The following LZTS1 variants were observed in gnomAD, a reference collection of about 807,000 sequenced individuals.
LZTS1 encodes the protein leucine zipper tumor suppressor 1.
A neutral mutation model predicts 45.8 loss-of-function variants in LZTS1; 31 were observed. The observed-to-expected ratio is 0.68, with a 90% CI of 0.51 to 0.91. The LOEUF is 0.91. Ranked by LOEUF, LZTS1 falls within the 40% of genes least tolerant of loss-of-function variation. The pLI is 0.00. For synonymous variants in LZTS1, 359 were observed against 357.3 expected, an observed-to-expected ratio of 1.00 and a Z score of -0.05; for missense variants, 821 against 788.9, an observed-to-expected ratio of 1.04 and a Z score of -0.49.
At chr8:20,294,999 G>A (rs12115039) in intron 1 of LZTS1, among the ~76,000 whole-genome samples, 1 of 151,894 alleles carries the variant, frequency 6.6e-6, no homozygotes, top group East Asian at 2.0e-4. Context: ...GGGAGGCAAG[G>A]AGCCTGGGTT....
chr8:20,286,281 G>C (rs914017217), intron 1 of LZTS1, among the ~76,000 whole-genome samples: 1 of 152,104 alleles, frequency 6.6e-6, no homozygotes, highest in South Asian at 2.1e-4. Context: ...AACAATTCTC[G>C]TAAATCTCTA....
intron 1 of LZTS1, among the ~76,000 whole-genome samples, chr8:20,292,701 A>G (rs908824780): frequency 6.6e-6 from 1 of 152,134 alleles, no homozygotes; most frequent in Non-Finnish European, 1.5e-5. Context: ...GTGTTCTTGT[A>G]TGCCCCCTGG....
intron 2 of LZTS1, among the ~76,000 whole-genome samples, chr8:20,253,878 C>T (rs1439871801): frequency 6.6e-6 from 1 of 152,172 alleles, no homozygotes; most frequent in Non-Finnish European, 1.5e-5. Flanking sequence ...TCTTGAGGCT[C>T]CTGCTCTAGG....
intron 1 of LZTS1, among the ~76,000 whole-genome samples, chr8:20,272,102 A>G (rs1322968067): frequency 6.6e-6 from 1 of 152,242 alleles, no homozygotes; most frequent in African/African-American, 2.4e-5. Context: ...GCAGAACAGA[A>G]TCTGCCTTAA....
intron 1 of LZTS1, among the ~76,000 whole-genome samples, chr8:20,281,856 A>G (rs904353586): frequency 6.6e-6 from 1 of 152,218 alleles, no homozygotes; most frequent in Admixed American, 6.5e-5. Flanking sequence ...AGTCTCAGGT[A>G]TTCCTTTATA....
intron 1 of LZTS1, among the ~76,000 whole-genome samples, chr8:20,269,362 CAG>C (rs1443278163): frequency 6.6e-5 from 10 of 152,196 alleles, no homozygotes. Flanking sequence ...CCTGGAGAGA[CAG>C]AGACTGCAAC....
chr8:20,303,068 G>T (rs796165271), intron 1 of LZTS1, among the ~76,000 whole-genome samples: 1 of 152,106 alleles, frequency 6.6e-6, no homozygotes, highest in African/African-American at 2.4e-5. Context: ...GTAGTGTGGG[G>T]CTGTCTGTGT....
chr8:20,247,886 G>GGC lies in LZTS1; in HGVS notation c.*1834_*1835dup, dbSNP rs1183533083. ...CCCCTCCTCATCTCAGCAGGCAGCA[G>GGC]GCGCAGGCATGTGGGAAGGGATGCT... is the stretch of plus-strand genomic sequence containing the variant. On this transcript the variant is annotated 3_prime_UTR_variant, in exon 4 of 4. Transcript: ENST00000381569. 6.5e-6 allele frequency: 1 copy of GGC among 152,836 alleles called. No homozygotes were observed. The highest frequency in any genetic ancestry group is 1.5e-5 in the Non-Finnish European group (1 of 68,198). The allele number at this position is 152,836 out of a possible 1,614,324, so 9.5% of individuals were successfully genotyped here.
At chr8:20,290,664 C>T (rs1325607721) in intron 1 of LZTS1, among the ~76,000 whole-genome samples, 2 of 152,206 alleles carry the variant, frequency 1.3e-5, no homozygotes, top group Admixed American at 6.5e-5. Context: ...GAGACTCAGC[C>T]GGATGTATGT....
At position 20,251,122 on chromosome 8, in the gene LZTS1, TATATATATATATATATATATATATATAA is replaced by T. The variant is rs1479298785; in HGVS notation, c.1150-787_1150-760del. On this transcript the variant is annotated intron_variant, in intron 3 of 3. Coordinates refer to ENST00000381569, the MANE Select transcript of LZTS1 (RefSeq NM_021020.5). ...TAATATATATATATATATATATATA[TATATATATATATATATATATATATATAA>T]AATATAAAGTATAAGAGTAGAGATT... is the stretch of plus-strand genomic sequence containing the variant. 6.2e-3 allele frequency among the ~76,000 whole-genome samples: 148 copies of T among 23,946 alleles called. 7 individuals carry two copies. The highest frequency in any genetic ancestry group is 0.033 in the South Asian group (21 of 638). 15.7% of individuals were successfully genotyped at this position (23,946 alleles called of 152,430 possible).
intron 1 of LZTS1, among the ~76,000 whole-genome samples, chr8:20,267,737 G>A (rs1287733252): frequency 1.3e-5 from 2 of 152,014 alleles, no homozygotes; most frequent in South Asian, 2.1e-4. Context: ...GGATGGTCTC[G>A]ATCTCTTGAC....
Position 20,254,874 on chromosome 8 carries a change from G to C in LZTS1, c.308C>G (p.Pro103Arg). 1 of 1,613,878 alleles carries C rather than the reference G, an allele frequency of 6.2e-7. No individual in the cohort carries two copies. The highest frequency in any genetic ancestry group is 8.5e-7 in the Non-Finnish European group (1 of 1,179,846). ...ATTGGAGAAGGGCATGAGCTTGGGG[G>C]GTGTGGACGGGTCAAAGTCCACCCC... ...QAGVDFDPST[P>R]PKLMPFSNQL... Residue 103 changes from proline (P) to arginine (R), a missense_variant, in exon 2 of 4, where the codon CCC (proline) becomes CGC (arginine). By Grantham distance (103) the Pro-to-Arg change is moderately radical. Coordinates refer to ENST00000381569, the MANE Select transcript of LZTS1 (RefSeq NM_021020.5).
intron 1 of LZTS1, among the ~76,000 whole-genome samples, chr8:20,283,077 G>A (rs1029301164): frequency 1.3e-4 from 20 of 152,124 alleles, no homozygotes; most frequent in African/African-American, 4.8e-4. Context: ...TCTGGAGAAG[G>A]TATCTCCACC....
At chr8:20,265,140 CA>C (rs1800321444) in intron 1 of LZTS1, among the ~76,000 whole-genome samples, 1 of 152,134 alleles carries the variant, frequency 6.6e-6, no homozygotes, top group African/African-American at 2.4e-5. Context: ...GGGCAGGGAT[CA>C]GAGTTCTGCC....
Position 20,251,150 on chromosome 8 carries a change from A to ATATATATATATAT in LZTS1, c.1150-788_1150-787insATATATATATATA, listed in dbSNP as rs1563851104. 1.9e-3 allele frequency among the ~76,000 whole-genome samples: 150 copies of ATATATATATATAT among 78,934 alleles called. 32 individuals carry two copies. Among genetic ancestry groups the ATATATATATATAT allele is most frequent in the Non-Finnish European group, 3.1e-3 (113 of 36,876 alleles). The allele number at this position is 78,934 out of a possible 152,430, so 51.8% of individuals were successfully genotyped here. A position where few individuals can be genotyped will look rare whatever the true frequency, so the allele number is the denominator to read the frequency against. On this transcript the variant is annotated intron_variant, in intron 3 of 3. Transcript: ENST00000381569. ...ATATATATATATATATATATATATA[A>ATATATATATATAT]AATATAAAGTATAAGAGTAGAGATT...
chr8:20,249,601 G>A lies in LZTS1; in HGVS notation c.*121C>T. ...ATCCTGCCCTCCCCTCGGGGGTCCTGGGTCTGTGTCCCAGGGAGTGGCGTC... is the reference window on the plus strand; with the variant it reads ...ATCCTGCCCTCCCCTCGGGGGTCCTAGGTCTGTGTCCCAGGGAGTGGCGTC... On this transcript the variant is annotated 3_prime_UTR_variant, in exon 4 of 4. Coordinates refer to ENST00000381569, the MANE Select transcript of LZTS1 (RefSeq NM_021020.5). 1.6e-6 allele frequency: 2 copies of A among 1,274,176 alleles called. No individual in the cohort carries two copies. The allele number at this position is 1,274,176 out of a possible 1,614,324, so 78.9% of individuals were successfully genotyped here. A position where few individuals can be genotyped will look rare whatever the true frequency, so the allele number is the denominator to read the frequency against.
intron 1 of LZTS1, among the ~76,000 whole-genome samples, chr8:20,280,581 G>A (rs1045657987): frequency 2.6e-5 from 4 of 152,152 alleles, no homozygotes; most frequent in Non-Finnish European, 5.9e-5. Flanking sequence ...AAGCAGCACC[G>A]CCTGAATGTG....
intron 1 of LZTS1, among the ~76,000 whole-genome samples, chr8:20,279,681 CAAAA>C (rs34501896): frequency 2.8e-5 from 2 of 70,956 alleles, no homozygotes; most frequent in African/African-American, 5.8e-5. Context: ...GACCCTGTCT[CAAAA>C]AAAAAAAAAA....
chr8:20,296,345 A>G (rs1438584267), intron 1 of LZTS1, among the ~76,000 whole-genome samples: 1 of 152,064 alleles, frequency 6.6e-6, no homozygotes, highest in Admixed American at 6.5e-5. Context: ...TCCACTTTCA[A>G]CCTCCTTGAG....
Sources: allele counts gnomAD v4.1 joint callset (sites outside exome capture counted in the v4.1 genomes callset), GRCh38; gene constraint gnomAD v4.1.1; transcripts MANE v1.5; gene names NCBI Gene and HGNC (gene_info 2026-07-23, HGNC 2026-07-21).